MGAM: variants seen among roughly 807,000 people sequenced by gnomAD.
MGAM encodes alpha-1,4-glucosidase.
Under a neutral mutation model 358.8 loss-of-function variants are expected in MGAM, and 253 were observed. The observed-to-expected ratio is 0.71, with a 90% CI of 0.64 to 0.78. The LOEUF is 0.78. Among genes scored for constraint, MGAM ranks in the 30% least tolerant of loss-of-function variants. The pLI is 0.00. For missense variants in MGAM, 3,080 were observed against 3,432.6 expected, an observed-to-expected ratio of 0.90 and a Z score of 2.57; for synonymous variants, 1,105 against 1,227.1, an observed-to-expected ratio of 0.90 and a Z score of 2.08.
intron 21 of MGAM, among the ~76,000 whole-genome samples, chr7:142,045,850 A>G (rs1563159584): frequency 8.5e-6 from 1 of 118,068 alleles, no homozygotes; most frequent in Non-Finnish European, 1.6e-5. Flanking sequence ...TACAATATGT[A>G]ATATATATAT....
chr7:142,052,321 C>T lies in MGAM; in HGVS notation c.2833C>T (p.Leu945Phe), dbSNP rs777378634. 6 of 1,607,080 alleles carry T rather than the reference C, an allele frequency of 3.7e-6. No individual in the cohort carries two copies. Among genetic ancestry groups the T allele is most frequent in the East Asian group, 2.2e-5 (1 of 44,700 alleles). Reference sequence around the variant, plus strand: ...TGCCATTATCACAGATATTGATCTTCTCCTGGGAGAAGCATACACAGTGGA... The same window carrying T: ...TGCCATTATCACAGATATTGATCTTTTCCTGGGAGAAGCATACACAGTGGA... ...KVAIITDIDL[L>F]LGEAYTVEWS... The change falls in exon 25 of 71, where the codon CTC becomes TTC. Residue 945 changes from leucine (L) to phenylalanine (F), a missense_variant. This residue lies in a region of MGAM where 1,816 missense variants were observed against 1,840.5 expected (regional missense o/e 0.99). Coordinates refer to ENST00000475668, the MANE Select transcript of MGAM (RefSeq NM_001365693.1).
rs201864592 is a variant in MGAM, at chr7:142,059,678, TC to T, written c.3948+80del. ...GGTGGAGTCAGAGTTATACTTTATTTCCATGTTGCAAGTAGATAAATTGAAG... is the reference window on the plus strand; with the variant it reads ...GGTGGAGTCAGAGTTATACTTTATTTCATGTTGCAAGTAGATAAATTGAAG... On this transcript the variant is annotated intron_variant, in intron 32 of 70. Transcript: ENST00000475668. 754 of 1,592,084 alleles carry T rather than the reference TC, an allele frequency of 4.7e-4. 7 individuals carry two copies. The East Asian group carries it at 0.016, about 33-fold the overall frequency.
At chr7:142,054,993 C>G (rs1439677394) in intron 27 of MGAM, 85 bp downstream of exon 27, 1 of 1,365,760 alleles carries the variant, frequency 7.3e-7, no homozygotes, top group Non-Finnish European at 1.0e-6. Context: ...TATCCTGGTT[C>G]AAAACATCAC....
intron 44 of MGAM, among the ~76,000 whole-genome samples, chr7:142,073,602 T>C (rs1202527321): frequency 6.8e-6 from 1 of 146,594 alleles, no homozygotes; most frequent in African/African-American, 2.4e-5. Flanking sequence ...TAATAAATAA[T>C]CAGATACATT....
Position 142,055,985 on chromosome 7 carries a change from C to T in MGAM, c.3484-15C>T. 1 of 1,602,842 alleles carries T rather than the reference C, an allele frequency of 6.2e-7. No individual in the cohort carries two copies. Among genetic ancestry groups the T allele is most frequent in the Non-Finnish European group, 8.5e-7 (1 of 1,173,470 alleles). ...GTCTTTTAAACTCCTACTGCTTCTT[C>T]CCATGACTCCCCAGTACAAGAAGAA... On this transcript the variant is annotated splice_polypyrimidine_tract_variant and intron_variant, in intron 28 of 70. Coordinates refer to ENST00000475668, the MANE Select transcript of MGAM (RefSeq NM_001365693.1).
chr7:142,041,799 A>G (rs1490640880), intron 21 of MGAM, among the ~76,000 whole-genome samples: 1 of 142,562 alleles, frequency 7.0e-6, no homozygotes, highest in African/African-American at 2.6e-5. Context: ...TTTCAGCAGC[A>G]AGAAATCTTT....
chr7:142,097,100 AAT>A (rs1815988303), intron 65 of MGAM, among the ~76,000 whole-genome samples: 1 of 148,764 alleles, frequency 6.7e-6, no homozygotes, highest in Non-Finnish European at 1.5e-5. Context: ...GGCCAATTTA[AAT>A]TTTTTTTTTT....
At chr7:142,016,535 T>C (rs947248666) in intron 3 of MGAM, among the ~76,000 whole-genome samples, 18 of 152,200 alleles carry the variant, frequency 1.2e-4, no homozygotes, top group African/African-American at 4.1e-4. Context: ...TGACTCTATG[T>C]CTCTCTAATA....
rs1477130787 is a variant in MGAM at position 142,052,230 on chromosome 7, C to A, written c.2806-64C>A. On this transcript the variant is annotated intron_variant, in intron 24 of 70. Coordinates refer to ENST00000475668, the MANE Select transcript of MGAM (RefSeq NM_001365693.1). ...TATTTTTTTTTTATCGAAAAAAAAA[C>A]CTCAGGTCTTGCAAAGCCTGTCTCC... is the stretch of plus-strand genomic sequence containing the variant. 137 of 1,342,850 alleles carry A rather than the reference C, an allele frequency of 1.0e-4. No individual in the cohort carries two copies. The East Asian group carries it at 3.3e-3, about 33-fold the overall frequency. The allele number at this position is 1,342,850 out of a possible 1,614,324, so 83.2% of individuals were successfully genotyped here. A position where few individuals can be genotyped will look rare whatever the true frequency, so the allele number is the denominator to read the frequency against.
chr7:142,059,893 C>G lies in MGAM; in HGVS notation c.3986C>G (p.Pro1329Arg). 1 of 1,611,354 alleles carries G rather than the reference C, an allele frequency of 6.2e-7. No homozygotes were observed. The highest frequency in any genetic ancestry group is 8.5e-7 in the Non-Finnish European group (1 of 1,178,814). Reference protein sequence around the residue: ...AISGNETQPYPAFTRGVEDDV... With the variant: ...AISGNETQPYRAFTRGVEDDV... ...TCTGGCAATGAGACACAGCCTTATC[C>G]TGCCTTCACTCGGGGCGTGGAGGAT... Residue 1329 changes from proline to arginine, a missense_variant, in exon 33 of 71, where the codon CCT (proline) becomes CGT (arginine). This residue lies in a region of MGAM where 1,816 missense variants were observed against 1,840.5 expected (regional missense o/e 0.99). Coordinates refer to ENST00000475668, the MANE Select transcript of MGAM (RefSeq NM_001365693.1).
intron 43 of MGAM, among the ~76,000 whole-genome samples, chr7:142,069,373 G>C (rs992548789): frequency 1.4e-5 from 2 of 145,910 alleles, no homozygotes; most frequent in African/African-American, 4.9e-5. Context: ...GGCAGCTCTG[G>C]GGTGGTGGGC....
Position 142,059,576 on chromosome 7 carries a change from T to C in MGAM, c.3924T>C (p.Asp1308=). Residue 1308 remains aspartate (D), a synonymous_variant, in exon 32 of 71, where the codon GAT becomes GAC. Transcript: ENST00000475668. The part of the protein sequence containing the change: ...FPALINRMKA[D]GMRVILILDP... Reference sequence around the variant, plus strand: ...CTCTGATCAATCGCATGAAGGCTGATGGGATGCGGGTCATCCTCATTCTGG... The same window carrying C: ...CTCTGATCAATCGCATGAAGGCTGACGGGATGCGGGTCATCCTCATTCTGG... The C allele has an allele frequency of 6.2e-7, 1 of 1,612,290 alleles. No homozygotes were observed. The highest frequency in any genetic ancestry group is 8.5e-7 in the Non-Finnish European group (1 of 1,178,788).
At chr7:142,091,115 T>A (rs1815342505) in intron 57 of MGAM, among the ~76,000 whole-genome samples, 1 of 144,116 alleles carries the variant, frequency 6.9e-6, no homozygotes, top group Middle Eastern at 3.3e-3. Context: ...GGTGTAGTGG[T>A]GTGTGCCTGT....
rs1805345092 is a variant in MGAM at position 142,008,552 on chromosome 7, T to C, written c.174T>C (p.Gly58=). The change falls in exon 3 of 71, where the codon GGT becomes GGC. Residue 58 remains glycine (G), a synonymous_variant. Coordinates refer to ENST00000475668, the MANE Select transcript of MGAM (RefSeq NM_001365693.1). ...TTGTPDPGTT[G]TPDPGTTGTT... ...GTACCCCAGATCCTGGGACAACTGGTACCCCAGATCCTGGAACAACTGGTA... is the reference window on the plus strand; with the variant it reads ...GTACCCCAGATCCTGGGACAACTGGCACCCCAGATCCTGGAACAACTGGTA... 1 of 1,612,928 alleles carries C rather than the reference T, an allele frequency of 6.2e-7. No individual in the cohort carries two copies. Among genetic ancestry groups the C allele is most frequent in the Non-Finnish European group, 8.5e-7 (1 of 1,179,432 alleles).
At chr7:142,101,031 C>A in intron 68 of MGAM, 141 bp downstream of exon 68, 2 of 759,504 alleles carry the variant, frequency 2.6e-6, no homozygotes, top group Non-Finnish European at 4.2e-6. Flanking sequence ...AGGGTATAAT[C>A]CATATTGGAC....
At chr7:142,101,918 AAAG>A (rs1410404552) in intron 68 of MGAM, among the ~76,000 whole-genome samples, 15 of 151,246 alleles carry the variant, frequency 9.9e-5, no homozygotes, top group South Asian at 2.1e-4. Flanking sequence ...CAAAAAAAAA[AAAG>A]AAAGAAAGAA....
chr7:142,100,777 A>G, intron 67 of MGAM, 25 bp from the exon 68 acceptor site: 1 of 1,594,816 alleles, frequency 6.3e-7, no homozygotes, highest in African/African-American at 1.3e-5. Context: ...CTTTTAGCTA[A>G]TGCCTCTCTG....
Position 142,052,300 on chromosome 7 carries a change from A to T in MGAM, c.2812A>T (p.Ile938Phe). 1 of 1,604,004 alleles carries T rather than the reference A, an allele frequency of 6.2e-7. No homozygotes were observed. Among genetic ancestry groups the T allele is most frequent in the Non-Finnish European group, 8.5e-7 (1 of 1,174,674 alleles). ...VTYDSNLKVAIITDIDLLLGE... is the reference protein window; with the variant it reads ...VTYDSNLKVAFITDIDLLLGE... Reference sequence around the variant, plus strand: ...GATTTCCACATTCCTACAGGTTGCCATTATCACAGATATTGATCTTCTCCT... The same window carrying T: ...GATTTCCACATTCCTACAGGTTGCCTTTATCACAGATATTGATCTTCTCCT... The change falls in exon 25 of 71, where the codon ATT becomes TTT. Residue 938 changes from isoleucine (I) to phenylalanine (F), a missense_variant. By Grantham distance (21) the Ile-to-Phe change is conservative. Coordinates refer to ENST00000475668, the MANE Select transcript of MGAM (RefSeq NM_001365693.1).
intron 69 of MGAM, among the ~76,000 whole-genome samples, chr7:142,102,918 G>A (rs1816562706): frequency 6.6e-6 from 1 of 152,220 alleles, no homozygotes. Context: ...TGTTACAGGT[G>A]GACGGGCAGT....
Sources: gnomAD v4.1 joint callset for allele counts (sites outside exome capture counted in the v4.1 genomes callset) on GRCh38, gnomAD v4.1.1 for gene constraint, gnomAD v4.1.1 regional missense constraint, MANE v1.5 for transcripts, NCBI Gene and HGNC (gene_info 2026-07-23, HGNC 2026-07-21) for gene names.